The following DNAJC1 variants were observed in gnomAD, a reference collection of about 807,000 sequenced individuals.
DNAJC1 encodes the protein dnaJ homolog subfamily C member 1.
DNAJC1 carries 58 observed loss-of-function variants against 76.6 expected under a neutral mutation model. The observed-to-expected ratio is 0.76, with a 90% CI of 0.61 to 0.94. DNAJC1 has a LOEUF of 0.94. DNAJC1 is among the 40% of genes least tolerant of loss of function. The pLI is 0.00. For synonymous variants in DNAJC1, 258 were observed against 267.9 expected (o/e 0.96, Z 0.36); for missense variants, 689 against 677.3 (o/e 1.02, Z -0.19).
intron 9 of DNAJC1, among the ~76,000 whole-genome samples, chr10:21,777,755 T>C (rs565878188): frequency 4.6e-5 from 7 of 152,240 alleles, no homozygotes; most frequent in Non-Finnish European, 7.3e-5. Context: ...TAACTAGTTT[T>C]TGGGCCTACT....
At chr10:21,979,092 A>G (rs1838109867) in intron 1 of DNAJC1, among the ~76,000 whole-genome samples, 1 of 151,394 alleles carries the variant, frequency 6.6e-6, no homozygotes, top group Non-Finnish European at 1.5e-5. Context: ...ATTTTTTTTT[A>G]ATGATCCAAG....
At chr10:21,959,218 G>A (rs532536580) in intron 1 of DNAJC1, among the ~76,000 whole-genome samples, 70 of 152,026 alleles carry the variant, frequency 4.6e-4, no homozygotes, top group African/African-American at 1.6e-3. Flanking sequence ...TCTGCCTTCC[G>A]GGTTCAAGCA....
chr10:21,822,409 T>C (rs1835174432), intron 8 of DNAJC1, among the ~76,000 whole-genome samples: 2 of 151,820 alleles, frequency 1.3e-5, no homozygotes, highest in East Asian at 3.9e-4. Context: ...ACTGCACTCC[T>C]GCCTGGGTGA....
intron 1 of DNAJC1, among the ~76,000 whole-genome samples, chr10:21,983,244 T>C (rs1838186732): frequency 6.6e-6 from 1 of 152,014 alleles, no homozygotes. Context: ...TAAATAAAAG[T>C]GGTATATACA....
intron 1 of DNAJC1, among the ~76,000 whole-genome samples, chr10:21,946,753 T>G (rs1017873359): frequency 6.6e-6 from 1 of 152,150 alleles, no homozygotes; most frequent in Non-Finnish European, 1.5e-5. Context: ...AGCCCCAAAT[T>G]AGAAACAACC....
intron 8 of DNAJC1, among the ~76,000 whole-genome samples, chr10:21,870,653 T>C (rs1389012959): frequency 6.6e-6 from 1 of 152,026 alleles, no homozygotes; most frequent in East Asian, 1.9e-4. Context: ...CACATGCCTG[T>C]AGTCCCAGCT....
intron 1 of DNAJC1, among the ~76,000 whole-genome samples, chr10:21,950,313 T>G (rs1249081467): frequency 6.6e-6 from 1 of 152,168 alleles, no homozygotes; most frequent in African/African-American, 2.4e-5. Context: ...TGACCTATGA[T>G]CAGTGATCTT....
chr10:21,774,135 C>T (rs1434476299), intron 9 of DNAJC1, among the ~76,000 whole-genome samples: 14 of 131,530 alleles, frequency 1.1e-4, no homozygotes, highest in African/African-American at 2.9e-4. Flanking sequence ...AGCGAGACTC[C>T]GTCTCAAAAA....
intron 9 of DNAJC1, among the ~76,000 whole-genome samples, chr10:21,803,584 ATT>A (rs1373795397): frequency 7.9e-6 from 1 of 126,654 alleles, no homozygotes; most frequent in Non-Finnish European, 1.6e-5. Context: ...TTACAGAGTG[ATT>A]TTCTGTGTGT....
chr10:21,956,351 T>A (rs1247248326), intron 1 of DNAJC1, among the ~76,000 whole-genome samples: 1 of 152,144 alleles, frequency 6.6e-6, no homozygotes, highest in Non-Finnish European at 1.5e-5. Context: ...AGGGATTAAG[T>A]TTCCAACACA....
intron 1 of DNAJC1, among the ~76,000 whole-genome samples, chr10:21,949,466 G>C (rs547132272): frequency 1.6e-5 from 2 of 128,932 alleles, no homozygotes; most frequent in South Asian, 4.8e-4. Context: ...GCCCAGGCTA[G>C]AGTGCAGTGG....
chr10:21,958,431 CTT>C (rs554641280), intron 1 of DNAJC1, among the ~76,000 whole-genome samples: 28 of 141,170 alleles, frequency 2.0e-4, no homozygotes, highest in African/African-American at 2.6e-4. Flanking sequence ...ACAGATTTGT[CTT>C]TTTTTTTTTT....
rs1042651686 is a variant in DNAJC1, at chr10:21,950,357, C to G, written c.223-21216G>C. Among the ~76,000 whole-genome samples the G allele has an allele frequency of 3.3e-5, 5 of 152,024 alleles. No individual in the cohort carries two copies. The South Asian group carries it at 6.2e-4, about 19-fold the overall frequency. ...CCATTGTAATTATTTTGGGGAGTCA[C>G]GAACCATGTCTATATAAATTGGTAA... On this transcript the variant is annotated intron_variant, in intron 1 of 11. Coordinates refer to ENST00000376980, the MANE Select transcript of DNAJC1 (RefSeq NM_022365.4).
chr10:21,823,467 A>G lies in DNAJC1; in HGVS notation c.979-17368T>C, dbSNP rs570200910. Among the ~76,000 whole-genome samples, 6 of 152,290 alleles carry G rather than the reference A, an allele frequency of 3.9e-5. No individual in the cohort carries two copies. The South Asian group carries it at 1.0e-3, about 26-fold the overall frequency. On this transcript the variant is annotated intron_variant, in intron 8 of 11. Transcript: ENST00000376980. ...GTTTAGTGTTTTTTCCTAACTTAACATTTAGTCCGATTTTTCTATCACTGA... is the reference window on the plus strand; with the variant it reads ...GTTTAGTGTTTTTTCCTAACTTAACGTTTAGTCCGATTTTTCTATCACTGA...
chr10:21,941,747 G>A (rs1202932044), intron 1 of DNAJC1, among the ~76,000 whole-genome samples: 4 of 151,870 alleles, frequency 2.6e-5, no homozygotes, highest in African/African-American at 9.7e-5. Flanking sequence ...TAAAACAGAA[G>A]AAATATGCCA....
intron 8 of DNAJC1, among the ~76,000 whole-genome samples, chr10:21,863,801 C>A (rs1010138714): frequency 3.3e-5 from 5 of 152,098 alleles, no homozygotes; most frequent in African/African-American, 1.2e-4. Flanking sequence ...ATACTCTCAG[C>A]AGACTAGAAA....
At chr10:21,810,656 C>T (rs1276294496) in intron 8 of DNAJC1, among the ~76,000 whole-genome samples, 6 of 152,156 alleles carry the variant, frequency 3.9e-5, no homozygotes, top group Non-Finnish European at 8.8e-5. Context: ...TAAATTAAAA[C>T]AGGGCCTTTA....
At chr10:21,826,631 T>C (rs1835261518) in intron 8 of DNAJC1, among the ~76,000 whole-genome samples, 1 of 152,220 alleles carries the variant, frequency 6.6e-6, no homozygotes, top group Non-Finnish European at 1.5e-5. Flanking sequence ...GTTTTATAAT[T>C]TTAGCTCTTA....
At chr10:21,840,858 C>T (rs1229944562) in intron 8 of DNAJC1, among the ~76,000 whole-genome samples, 2 of 152,148 alleles carry the variant, frequency 1.3e-5, no homozygotes, top group African/African-American at 4.8e-5. Context: ...AACTATACTA[C>T]AAGGTTACAG....
Sources: gnomAD v4.1 joint callset for allele counts (sites outside exome capture counted in the v4.1 genomes callset) on GRCh38, gnomAD v4.1.1 for gene constraint, MANE v1.5 for transcripts, NCBI Gene and HGNC (gene_info 2026-07-23, HGNC 2026-07-21) for gene names.